Variants in ZNF608 observed in about 807,000 individuals in gnomAD.
The protein encoded by ZNF608 is zinc finger protein 608, also known as renal carcinoma antigen NY-REN-36.
A neutral mutation model predicts 109.0 loss-of-function variants in ZNF608; 12 were observed. The observed-to-expected ratio is 0.11, with a 90% CI of 0.07 to 0.18. The LOEUF (loss-of-function observed/expected upper bound fraction) is 0.18, where lower values mean the gene tolerates loss of function less well. Among genes scored for constraint, ZNF608 ranks in the 10% least tolerant of loss-of-function variants. ZNF608 has a pLI of 1.00. For missense variants in ZNF608, 1,707 were observed against 1,879.3 expected, an observed-to-expected ratio of 0.91 and a Z score of 1.70; for synonymous variants, 732 against 717.4, an observed-to-expected ratio of 1.02 and a Z score of -0.33.
At chr5:124,708,627 T>C in intron 2 of ZNF608, 6 of 439,378 alleles carry the variant, frequency 1.4e-5, no homozygotes, top group South Asian at 6.5e-5. Flanking sequence ...TTTTGTTTTA[T>C]TGTTGTTGTT....
chr5:124,716,081 G>T (rs898194873), intron 2 of ZNF608, among the ~76,000 whole-genome samples: 7 of 149,632 alleles, frequency 4.7e-5, no homozygotes, highest in South Asian at 2.1e-4. Context: ...AGGCGGAGCT[G>T]GCAGTGAGCC....
chr5:124,670,458 C>T (rs981058987), intron 3 of ZNF608, among the ~76,000 whole-genome samples: 3 of 151,572 alleles, frequency 2.0e-5, no homozygotes, highest in Admixed American at 6.6e-5. Flanking sequence ...AATAACTGGA[C>T]GAGTCACCAC....
In ZNF608 at chr5:124,746,608, A is replaced by C. The variant is rs1467161347; in HGVS notation, c.-597T>G. On this transcript the variant is annotated 5_prime_UTR_variant, in exon 1 of 10. An upstream start codon of the reference 5' UTR is lost. Transcript: ENST00000513986. ...AGTCACCGTGATCAGTAATGATCCC[A>C]TGTAGCAAACCTACAGGCGTCCGCT... The C allele has an allele frequency of 8.1e-6, 8 of 985,294 alleles. No homozygotes were observed. Among genetic ancestry groups the C allele is most frequent in the Non-Finnish European group, 8.4e-6 (7 of 829,922 alleles). The allele number at this position is 985,294 out of a possible 1,614,324, so 61.0% of individuals were successfully genotyped here.
intron 2 of ZNF608, among the ~76,000 whole-genome samples, chr5:124,733,824 A>G (rs1348184185): frequency 6.6e-6 from 1 of 152,220 alleles, no homozygotes; most frequent in Non-Finnish European, 1.5e-5. Context: ...GAATTCTGGC[A>G]TATCTAAAAA....
chr5:124,726,451 C>T (rs993141248), intron 2 of ZNF608, among the ~76,000 whole-genome samples: 10 of 152,070 alleles, frequency 6.6e-5, no homozygotes, highest in Non-Finnish European at 1.2e-4. Context: ...CCTTAATTCT[C>T]ATTCTTTCAC....
chr5:124,674,797 T>C (rs552016838), intron 3 of ZNF608, among the ~76,000 whole-genome samples: 3 of 152,202 alleles, frequency 2.0e-5, no homozygotes, highest in African/African-American at 7.2e-5. Flanking sequence ...TCTATTATTG[T>C]AGAGATAGGA....
intron 2 of ZNF608, among the ~76,000 whole-genome samples, chr5:124,720,180 C>CT (rs1313807991): frequency 1.3e-5 from 2 of 152,134 alleles, no homozygotes; most frequent in African/African-American, 4.8e-5. Flanking sequence ...AAGAAATAGC[C>CT]TTCTCAGTAA....
intron 3 of ZNF608, among the ~76,000 whole-genome samples, chr5:124,659,829 T>C (rs1389604009): frequency 6.6e-6 from 1 of 152,170 alleles, no homozygotes; most frequent in African/African-American, 2.4e-5. Flanking sequence ...ATGCTCCACA[T>C]CAAAAAGCTG....
intron 9 of ZNF608, chr5:124,638,702 A>T: frequency 3.3e-6 from 1 of 304,842 alleles, no homozygotes; most frequent in Non-Finnish European, 5.0e-6. Context: ...ATTTTATAAT[A>T]TTAATAATTT....
At chr5:124,725,094 G>A (rs1240451192) in intron 2 of ZNF608, among the ~76,000 whole-genome samples, 3 of 151,830 alleles carry the variant, frequency 2.0e-5, no homozygotes, top group East Asian at 1.9e-4. Context: ...CCCTCTCCTC[G>A]ACCCCCGGGG....
chr5:124,703,569 C>T (rs1039375095), intron 2 of ZNF608, among the ~76,000 whole-genome samples: 1 of 152,044 alleles, frequency 6.6e-6, no homozygotes, highest in African/African-American at 2.4e-5. Flanking sequence ...AGTTGGAGAC[C>T]AGCCTGAGCA....
At chr5:124,748,431 C>T (rs1749713800), upstream of ZNF608, 2 of 616,820 alleles carry the variant, frequency 3.2e-6, no homozygotes, top group African/African-American at 2.0e-5. Flanking sequence ...AAAGCCAAAC[C>T]CTGTAACTAG....
At chr5:124,716,555 G>C (rs996744307) in intron 2 of ZNF608, among the ~76,000 whole-genome samples, 10 of 152,150 alleles carry the variant, frequency 6.6e-5, no homozygotes, top group Non-Finnish European at 8.8e-5. Flanking sequence ...CTAGATTTAA[G>C]GTCTAAAAGT....
chr5:124,665,121 A>C (rs2149807303), intron 3 of ZNF608, among the ~76,000 whole-genome samples: 1 of 151,872 alleles, frequency 6.6e-6, no homozygotes, highest in Non-Finnish European at 1.5e-5. Context: ...GGTTGCAGTG[A>C]GATGAGATTG....
intron 2 of ZNF608, among the ~76,000 whole-genome samples, chr5:124,740,965 T>C (rs1255053344): frequency 1.3e-5 from 2 of 152,202 alleles, no homozygotes; most frequent in African/African-American, 2.4e-5. Context: ...GCTAGGAGGA[T>C]ACATAAAGAA....
intron 2 of ZNF608, chr5:124,710,032 T>A (rs1002783665): frequency 7.6e-6 from 2 of 264,492 alleles, no homozygotes; most frequent in African/African-American, 4.5e-5. Context: ...TGCGCCTACA[T>A]TAGCCAATAA....
chr5:124,705,086 G>C (rs4836110), intron 2 of ZNF608, among the ~76,000 whole-genome samples: 115,767 of 152,186 alleles, frequency 0.76, 44,724 homozygotes, highest in African/African-American at 0.89. Context: ...ATATGTAAAG[G>C]AGGATTTTAA....
chr5:124,640,526 T>G (rs1200362343), intron 8 of ZNF608, among the ~76,000 whole-genome samples: 1 of 152,190 alleles, frequency 6.6e-6, no homozygotes. Context: ...CACCCTGATC[T>G]TGAACTTCCA....
Position 124,647,284 on chromosome 5 carries a change from A to C in ZNF608, c.3100T>G (p.Ser1034Ala), listed in dbSNP as rs939447161. 6.2e-7 allele frequency: 1 copy of C among 1,613,480 alleles called. No homozygotes were observed. Among genetic ancestry groups the C allele is most frequent in the African/African-American group, 1.3e-5 (1 of 74,682 alleles). Residue 1034 changes from serine (S) to alanine (A), a missense_variant, in exon 5 of 10, where the codon TCT (serine) becomes GCT (alanine). By Grantham distance (99) the Ser-to-Ala change is moderately conservative (BLOSUM62 1). Transcript: ENST00000513986. ...STQGMKIKKE[S>A]EEDAEKKDKA... ...TCTTTCTTTTCAGCATCTTCCTCAG[A>C]CTCCTTCTTGATCTTCATTCCCTGC...
Sources: gnomAD v4.1 joint callset for allele counts (sites outside exome capture counted in the v4.1 genomes callset) on GRCh38, gnomAD v4.1.1 for gene constraint, MANE v1.5 for transcripts, NCBI Gene and HGNC (gene_info 2026-07-23, HGNC 2026-07-21) for gene names.